The following ANO2 variants were observed in gnomAD, a reference collection of about 807,000 sequenced individuals.
ANO2 encodes the protein anoctamin 2.
In ANO2, 101 loss-of-function variants were observed where a neutral mutation model predicts 124.2. The observed-to-expected ratio is 0.81, with a 90% CI of 0.69 to 0.96. ANO2 has a LOEUF of 0.96. Ranked by LOEUF, ANO2 falls within the 40% of genes least tolerant of loss-of-function variation. The probability of loss-of-function intolerance (pLI) is 0.00; values close to 1 mark genes in which losing one functional copy is unlikely to be tolerated. For synonymous variants in ANO2, 486 were observed against 482.5 expected (o/e 1.01, Z -0.09); for missense variants, 1,293 against 1,274.5 (o/e 1.01, Z -0.22).
chr12:5,857,906 G>GT (rs1389370621), intron 3 of ANO2, among the ~76,000 whole-genome samples: 6 of 152,174 alleles, frequency 3.9e-5, no homozygotes, highest in Non-Finnish European at 8.8e-5. Flanking sequence ...ATCATGTTAA[G>GT]TGAAATAGGC....
chr12:5,799,131 A>C (rs1439679663), intron 10 of ANO2, among the ~76,000 whole-genome samples: 1 of 152,226 alleles, frequency 6.6e-6, no homozygotes, highest in African/African-American at 2.4e-5. Flanking sequence ...TTCCTGGATC[A>C]ACACTGGCAC....
intron 5 of ANO2, among the ~76,000 whole-genome samples, chr12:5,831,236 A>G (rs1954142793): frequency 6.6e-6 from 1 of 152,254 alleles, no homozygotes; most frequent in Non-Finnish European, 1.5e-5. Context: ...GACACAGAGT[A>G]GAACATAGTA....
chr12:5,638,242 T>C (rs1384254413), intron 15 of ANO2, among the ~76,000 whole-genome samples: 3 of 141,134 alleles, frequency 2.1e-5, no homozygotes, highest in South Asian at 2.4e-4. Context: ...TTTTCCTTTT[T>C]TTTTTTTTTT....
chr12:5,583,670 A>AT (rs1942904184), intron 20 of ANO2: 1 of 151,082 alleles, frequency 6.6e-6, no homozygotes, highest in African/African-American at 2.4e-5. Context: ...AAAAAAAAAA[A>AT]AAAAAAAAAA....
intron 23 of ANO2, among the ~76,000 whole-genome samples, chr12:5,572,889 T>C (rs1942206121): frequency 1.3e-5 from 2 of 152,280 alleles, no homozygotes; most frequent in South Asian, 2.1e-4. Flanking sequence ...CAAGCCATGA[T>C]CTTATCTACT....
intron 15 of ANO2, among the ~76,000 whole-genome samples, chr12:5,643,105 C>T (rs1591805739): frequency 6.6e-6 from 1 of 151,484 alleles, no homozygotes; most frequent in East Asian, 1.9e-4. Flanking sequence ...AAAACAAACA[C>T]CAATATAGCC....
At chr12:5,748,072 G>A (rs1182135902) in intron 11 of ANO2, among the ~76,000 whole-genome samples, 1 of 152,172 alleles carries the variant, frequency 6.6e-6, no homozygotes, top group Non-Finnish European at 1.5e-5. Flanking sequence ...GTGTGAATGT[G>A]GGTGTGTGCG....
intron 14 of ANO2, among the ~76,000 whole-genome samples, chr12:5,664,648 A>C (rs1047656053): frequency 1.3e-5 from 2 of 152,262 alleles, no homozygotes; most frequent in Non-Finnish European, 2.9e-5. Context: ...TTCCAATCGT[A>C]TGTTCTTTTA....
Position 5,678,849 on chromosome 12 carries a change from T to A in ANO2, c.1546-31048A>T, listed in dbSNP as rs117088205. Among the ~76,000 whole-genome samples, 113 of 152,342 alleles carry A rather than the reference T, an allele frequency of 7.4e-4. 2 individuals are homozygous for A. In the East Asian group the frequency reaches 0.016, roughly 21 times the overall value. ...AAAACACTGCTTGGCAGCAGGTATA[T>A]CCGTGAAGATCTCAGGTGCCTAGCA... On this transcript the variant is annotated intron_variant, in intron 14 of 24. Transcript: ENST00000682330.
chr12:5,717,655 C>T (rs996921131), intron 14 of ANO2, among the ~76,000 whole-genome samples: 2 of 152,220 alleles, frequency 1.3e-5, no homozygotes, highest in African/African-American at 4.8e-5. Flanking sequence ...GTGTATTTCA[C>T]CTTGTACTCC....
At chr12:5,622,312 T>C (rs1945155430) in intron 16 of ANO2, among the ~76,000 whole-genome samples, 2 of 152,192 alleles carry the variant, frequency 1.3e-5, no homozygotes, top group African/African-American at 4.8e-5. Flanking sequence ...CCTTCCTCCA[T>C]ACTGATAAAT....
rs149956206 is a variant in ANO2, at chr12:5,617,585, C to T, written c.1817-2288G>A. On this transcript the variant is annotated intron_variant, in intron 16 of 24. Transcript: ENST00000682330. ...ACACTCTCCAGACCACACTGTACCA[C>T]ACCCTCAAGATCACGATGTACCACA... Among the ~76,000 whole-genome samples the T allele has an allele frequency of 4.9e-3, 748 of 151,802 alleles. 8 individuals carry two copies. The highest frequency in any genetic ancestry group is 0.017 in the African/African-American group (698 of 41,230).
intron 4 of ANO2, 83 bp from the exon 5 acceptor site, chr12:5,832,686 C>T: frequency 7.1e-7 from 1 of 1,412,388 alleles, no homozygotes; most frequent in Non-Finnish European, 9.5e-7. Flanking sequence ...GCTGCATGGA[C>T]ACAGATTCCC....
chr12:5,800,043 G>C (rs1217483913), intron 9 of ANO2, among the ~76,000 whole-genome samples: 1 of 152,216 alleles, frequency 6.6e-6, no homozygotes, highest in African/African-American at 2.4e-5. Context: ...TCAAGGTCAG[G>C]GAGTAGAATG....
chr12:5,849,129 A>G (rs1320668766), intron 4 of ANO2, among the ~76,000 whole-genome samples: 1 of 152,216 alleles, frequency 6.6e-6, no homozygotes, highest in African/African-American at 2.4e-5. Context: ...AGGGACAGCA[A>G]ATGAGACCCC....
At position 5,693,320 on chromosome 12, in the gene ANO2, G is replaced by A. The variant is rs114877483; in HGVS notation, c.1545+39200C>T. 4.5e-3 allele frequency among the ~76,000 whole-genome samples: 678 copies of A among 152,242 alleles called. 3 individuals are homozygous for A. Among genetic ancestry groups the A allele is most frequent in the African/African-American group, 0.015 (619 of 41,516 alleles). ...TTCAAGTTCATATCAAAATCTTGGC[G>A]TCATCCTTGACCTCTTTCTTTCATG... On this transcript the variant is annotated intron_variant, in intron 14 of 24. Coordinates refer to ENST00000682330, the MANE Select transcript of ANO2 (RefSeq NM_001364791.2).
chr12:5,903,922 A>G (rs1289098119), intron 3 of ANO2, among the ~76,000 whole-genome samples: 1 of 152,138 alleles, frequency 6.6e-6, no homozygotes, highest in Non-Finnish European at 1.5e-5. Flanking sequence ...CCCAGAATGC[A>G]AGAGGTGGTG....
At chr12:5,723,388 A>G (rs558185323) in intron 14 of ANO2, among the ~76,000 whole-genome samples, 2 of 152,316 alleles carry the variant, frequency 1.3e-5, no homozygotes, top group South Asian at 4.1e-4. Flanking sequence ...AATGAGGGGA[A>G]GGGAGGCAGG....
rs929036919 is a variant in ANO2 at position 5,904,217 on chromosome 12, G to A, written c.534+16823C>T. 6.6e-6 allele frequency among the ~76,000 whole-genome samples: 1 copy of A among 152,190 alleles called. No individual in the cohort carries two copies. Among genetic ancestry groups the A allele is most frequent in the Admixed American group, 6.5e-5 (1 of 15,284 alleles). On this transcript the variant is annotated intron_variant, in intron 3 of 24. Transcript: ENST00000682330. The surrounding 1 kb of genome is among the most constrained non-coding windows in gnomAD (Gnocchi z 4.1). The stretch of plus-strand genomic sequence containing the variant: ...ATGGAAGCTGTAGTAAAGAAGGGGG[G>A]ACTCCCATCTGGGACCATGGTCCTT...
Sources: allele counts gnomAD v4.1 joint callset (sites outside exome capture counted in the v4.1 genomes callset), GRCh38; gene constraint gnomAD v4.1.1; non-coding constraint Gnocchi (gnomAD v3.1); transcripts MANE v1.5; gene names NCBI Gene and HGNC (gene_info 2026-07-23, HGNC 2026-07-21).